The following ABLIM1 variants were observed in gnomAD, a reference collection of about 807,000 sequenced individuals.
ABLIM1 encodes the protein actin binding LIM protein 1.
ABLIM1 carries 40 observed loss-of-function variants against 107.0 expected under a neutral mutation model. The observed-to-expected ratio is 0.37, with a 90% CI of 0.29 to 0.49. The LOEUF (loss-of-function observed/expected upper bound fraction) is 0.49. Among genes scored for constraint, ABLIM1 ranks in the 20% least tolerant of loss-of-function variants. The pLI, the probability that ABLIM1 is intolerant of heterozygous loss-of-function variation, is 0.97. For synonymous variants in ABLIM1, 357 were observed against 357.3 expected (o/e 1.00, Z 0.01); for missense variants, 857 against 1,008.5 (o/e 0.85, Z 2.04).
chr10:114,733,211 T>C (rs1344717444), intron 1 of ABLIM1, among the ~76,000 whole-genome samples: 1 of 152,090 alleles, frequency 6.6e-6, no homozygotes, highest in Non-Finnish European at 1.5e-5. Context: ...AATCAGGTAC[T>C]AGTAGGTGAT....
At chr10:114,515,815 G>A (rs1162875522) in intron 6 of ABLIM1, among the ~76,000 whole-genome samples, 1 of 152,190 alleles carries the variant, frequency 6.6e-6, no homozygotes, top group South Asian at 2.1e-4. Flanking sequence ...CAGAGGCAGA[G>A]GTTGGTGTTT....
intron 1 of ABLIM1, among the ~76,000 whole-genome samples, chr10:114,710,525 C>A (rs902196824): frequency 1.3e-5 from 2 of 152,214 alleles, no homozygotes; most frequent in Non-Finnish European, 2.9e-5. Context: ...TATCTCCCAC[C>A]AGGTTCCTCC....
chr10:114,776,737 C>A, the ABLIM1 span, among the ~76,000 whole-genome samples: 1 of 152,206 alleles, frequency 6.6e-6, no homozygotes, highest in South Asian at 2.1e-4. Flanking sequence ...CCTCAGCCTC[C>A]CAAGTAGCTT....
chr10:114,527,173 G>A lies in ABLIM1; in HGVS notation c.894+17832C>T, dbSNP rs113978990. 9.7e-3 allele frequency among the ~76,000 whole-genome samples: 1,471 copies of A among 152,248 alleles called. 14 individuals are homozygous for A. Among genetic ancestry groups the A allele is most frequent in the Non-Finnish European group, 0.014 (929 of 68,016 alleles). On this transcript the variant is annotated intron_variant, in intron 6 of 22. Coordinates refer to ENST00000533213, the MANE Select transcript of ABLIM1 (RefSeq NM_002313.7). ...TTCTCGGATTTGAGATGATGGAAAG[G>A]TGCCTAGCTGAGCACAGCCATCACA... is the stretch of plus-strand genomic sequence containing the variant.
At chr10:114,600,505 T>C (rs2075874808) in intron 2 of ABLIM1, among the ~76,000 whole-genome samples, 1 of 152,126 alleles carries the variant, frequency 6.6e-6, no homozygotes, top group South Asian at 2.1e-4. Flanking sequence ...AGGAAAGCAC[T>C]CCCTCCTCCT....
intron 1 of ABLIM1, among the ~76,000 whole-genome samples, chr10:114,735,367 A>G (rs1295161747): frequency 6.6e-6 from 1 of 152,222 alleles, no homozygotes; most frequent in East Asian, 1.9e-4. Context: ...ACAGAAAAAC[A>G]ACAATAAAAA....
intron 6 of ABLIM1, among the ~76,000 whole-genome samples, chr10:114,525,514 T>C (rs1023043332): frequency 3.3e-5 from 5 of 152,234 alleles, no homozygotes; most frequent in Non-Finnish European, 7.3e-5. Flanking sequence ...TCACGCTTAG[T>C]CTTAAAAAGC....
rs745875295 is a variant in ABLIM1, at chr10:114,634,129, C to CTTTTTTTTTTTTTTTTTTTTTTT, written c.244+23827_244+23828insAAAAAAAAAAAAAAAAAAAAAAA. ...CGTAAATGCCATTAGCTCAATTTTT[C>CTTTTTTTTTTTTTTTTTTTTTTT]TTTTTTTTTTTTTTTTTTTTTGAGA... is the stretch of plus-strand genomic sequence containing the variant. On this transcript the variant is annotated intron_variant, in intron 1 of 22. Transcript: ENST00000533213. 2.2e-4 allele frequency among the ~76,000 whole-genome samples: 15 copies of CTTTTTTTTTTTTTTTTTTTTTTT among 68,284 alleles called. 4 individuals carry two copies. Among genetic ancestry groups the CTTTTTTTTTTTTTTTTTTTTTTT allele is most frequent in the South Asian group, 7.5e-4 (1 of 1,342 alleles). The allele number at this position is 68,284 out of a possible 152,430, so 44.8% of individuals were successfully genotyped here. A position where few individuals can be genotyped will look rare whatever the true frequency, so the allele number is the denominator to read the frequency against.
intron 14 of ABLIM1, 111 bp downstream of exon 14, chr10:114,451,513 C>G: frequency 1.0e-6 from 1 of 971,846 alleles, no homozygotes. Context: ...ATGCTGGATG[C>G]CCCAGTTTTA....
chr10:114,595,212 T>G (rs2075299432), intron 2 of ABLIM1: 1 of 151,556 alleles, frequency 6.6e-6, no homozygotes, highest in South Asian at 2.1e-4. Context: ...TTATAATGAA[T>G]TATAGATCAA....
chr10:114,727,580 T>G (rs2081986112), intron 1 of ABLIM1, among the ~76,000 whole-genome samples: 1 of 152,178 alleles, frequency 6.6e-6, no homozygotes. Context: ...TTTAATGAAT[T>G]CATAGCAAGA....
chr10:114,691,078 CAATTATG>C (rs920540280), intron 1 of ABLIM1, among the ~76,000 whole-genome samples: 4 of 152,096 alleles, frequency 2.6e-5, no homozygotes, highest in African/African-American at 9.7e-5. Context: ...GAGATAAGGA[CAATTATG>C]AATCCCTCTT....
chr10:114,757,928 A>C lies in ABLIM1; in HGVS notation c.-213+10133T>G, dbSNP rs1189777682. On this transcript the variant is annotated intron_variant, in intron 1 of 15. Coordinates refer to the ABLIM1 transcript ENST00000651092. ...CTCCATCCCTCTCCCGTACTCTCTG[A>C]TCCAGCCACACAAGCCTGCCTCCTG... Among the ~76,000 whole-genome samples the C allele has an allele frequency of 2.6e-5, 4 of 152,010 alleles. No homozygotes were observed. In the East Asian group the frequency reaches 5.8e-4, roughly 22 times the overall value.
chr10:114,445,021 C>T (rs569417047), intron 16 of ABLIM1, among the ~76,000 whole-genome samples: 1 of 152,334 alleles, frequency 6.6e-6, no homozygotes, highest in African/African-American at 2.4e-5. Context: ...ACATGCACTG[C>T]ACACATGCCC....
chr10:114,789,031 C>A, the ABLIM1 span, among the ~76,000 whole-genome samples: 1 of 151,822 alleles, frequency 6.6e-6, no homozygotes, highest in East Asian at 1.9e-4. Flanking sequence ...CCGAGGTGGG[C>A]GGATCACGAG....
upstream of ABLIM1, among the ~76,000 whole-genome samples, chr10:114,685,634 C>T (rs1176345370): frequency 6.6e-6 from 1 of 152,170 alleles, no homozygotes. Context: ...GGCTGTAGCA[C>T]CAGGCGCCAG....
chr10:114,704,837 C>T (rs1158707186), intron 1 of ABLIM1, among the ~76,000 whole-genome samples: 1 of 152,150 alleles, frequency 6.6e-6, no homozygotes, highest in Admixed American at 6.5e-5. Context: ...AGGCGTCAAG[C>T]CCAACTTCAG....
At chr10:114,550,087 C>G (rs1167386322) in intron 4 of ABLIM1, among the ~76,000 whole-genome samples, 1 of 151,968 alleles carries the variant, frequency 6.6e-6, no homozygotes, top group Non-Finnish European at 1.5e-5. Flanking sequence ...AATATAAGTT[C>G]TGAATATTGC....
intron 1 of ABLIM1, among the ~76,000 whole-genome samples, chr10:114,740,102 A>G (rs926783142): frequency 6.6e-6 from 1 of 152,176 alleles, no homozygotes; most frequent in Non-Finnish European, 1.5e-5. Flanking sequence ...GTTCGCCAGA[A>G]GTATCTAAGA....
Sources: allele counts gnomAD v4.1 joint callset (sites outside exome capture counted in the v4.1 genomes callset), GRCh38; gene constraint gnomAD v4.1.1; transcripts MANE v1.5; gene names NCBI Gene and HGNC (gene_info 2026-07-23, HGNC 2026-07-21).